Variants in PHLPP1 observed in about 807,000 individuals in gnomAD.
PHLPP1 encodes PH domain and leucine rich repeat protein phosphatase 1, also known as PH domain leucine-rich repeat-containing protein phosphatase 1.
A neutral mutation model predicts 117.2 loss-of-function variants in PHLPP1; 42 were observed. The ratio of observed to expected loss-of-function variants is 0.36; its 90% CI spans 0.28 to 0.46. The LOEUF is 0.46. Ranked by LOEUF, PHLPP1 falls within the 20% of genes least tolerant of loss-of-function variation. The probability of loss-of-function intolerance (pLI) is 1.00; values close to 1 mark genes in which losing one functional copy is unlikely to be tolerated. For missense variants in PHLPP1, 2,084 were observed against 2,241.9 expected, an observed-to-expected ratio of 0.93 and a Z score of 1.42; for synonymous variants, 1,042 against 970.7, an observed-to-expected ratio of 1.07 and a Z score of -1.37.
rs377326345 is a variant in PHLPP1 at position 62,958,598 on chromosome 18, T to C, written c.3325-31T>C. The C allele has an allele frequency of 2.4e-5, 39 of 1,612,798 alleles. No individual in the cohort carries two copies. In the African/African-American group the frequency reaches 4.5e-4, roughly 19 times the overall value. On this transcript the variant is annotated intron_variant, in intron 12 of 16. Transcript: ENST00000262719. ...CCCTGAAGAGCTTCTCTAGACCATC[T>C]CTTTCTTGTTTGCACTTGTTCTTTT...
intron 1 of PHLPP1, among the ~76,000 whole-genome samples, chr18:62,724,635 T>G (rs1911015075): frequency 6.6e-6 from 1 of 152,210 alleles, no homozygotes; most frequent in African/African-American, 2.4e-5. Context: ...ACTTACTGTC[T>G]TTGGTGGTTC....
intron 1 of PHLPP1, among the ~76,000 whole-genome samples, chr18:62,801,514 G>A (rs986941407): frequency 6.6e-6 from 1 of 151,860 alleles, no homozygotes; most frequent in Non-Finnish European, 1.5e-5. Flanking sequence ...GTGCAATGGC[G>A]TGATCTTGGC....
intron 10 of PHLPP1, among the ~76,000 whole-genome samples, chr18:62,932,121 A>G (rs1395678412): frequency 6.6e-6 from 1 of 152,176 alleles, no homozygotes; most frequent in African/African-American, 2.4e-5. Context: ...AATTGAGTCA[A>G]TAATAAAAAT....
At chr18:62,972,783 C>G in intron 15 of PHLPP1, 75 bp downstream of exon 15, 3 of 1,154,050 alleles carry the variant, frequency 2.6e-6, no homozygotes, top group Non-Finnish European at 3.7e-6. Flanking sequence ...TTTAGAAAAG[C>G]AGGTGCCCAA....
At chr18:62,814,600 G>GT (rs1914211624) in intron 1 of PHLPP1, among the ~76,000 whole-genome samples, 1 of 152,198 alleles carries the variant, frequency 6.6e-6, no homozygotes, top group South Asian at 2.1e-4. Flanking sequence ...TGAGAGTTGA[G>GT]TGTTTTCACT....
intron 9 of PHLPP1, among the ~76,000 whole-genome samples, chr18:62,916,885 C>A (rs1909298472): frequency 6.7e-6 from 1 of 150,212 alleles, no homozygotes. Flanking sequence ...TCCCGAGTAG[C>A]TGGGACTACA....
chr18:62,856,971 TATA>T (rs1422674710), intron 3 of PHLPP1, among the ~76,000 whole-genome samples: 1 of 152,124 alleles, frequency 6.6e-6, no homozygotes, highest in Admixed American at 6.6e-5. Context: ...TTTTTTAACA[TATA>T]ATTTATTTAT....
intron 1 of PHLPP1, among the ~76,000 whole-genome samples, chr18:62,796,805 A>G (rs963074334): frequency 3.3e-5 from 5 of 151,790 alleles, no homozygotes; most frequent in African/African-American, 1.2e-4. Flanking sequence ...TGTTTTGGTC[A>G]GCCATCTGCT....
intron 1 of PHLPP1, among the ~76,000 whole-genome samples, chr18:62,821,635 T>G (rs1251412399): frequency 6.6e-6 from 1 of 151,034 alleles, no homozygotes; most frequent in Non-Finnish European, 1.5e-5. Flanking sequence ...ATAAAATTGG[T>G]AGTTCTCTAA....
At chr18:62,779,792 C>T (rs769163324) in intron 1 of PHLPP1, among the ~76,000 whole-genome samples, 23 of 152,114 alleles carry the variant, frequency 1.5e-4, no homozygotes, top group African/African-American at 2.2e-4. Context: ...TTTTAAGTTT[C>T]GATTAATTCC....
At chr18:62,803,406 C>T (rs758140738) in intron 1 of PHLPP1, among the ~76,000 whole-genome samples, 4 of 152,108 alleles carry the variant, frequency 2.6e-5, no homozygotes, top group Non-Finnish European at 4.4e-5. Flanking sequence ...TAACTGCTGT[C>T]CTAATTTCTA....
At chr18:62,828,941 C>A (rs1439681788) in intron 1 of PHLPP1, among the ~76,000 whole-genome samples, 1 of 152,100 alleles carries the variant, frequency 6.6e-6, no homozygotes, top group Non-Finnish European at 1.5e-5. Context: ...TGGGGAAATA[C>A]TTTTCTGGTT....
chr18:62,874,122 T>C (rs1384469890), intron 4 of PHLPP1, among the ~76,000 whole-genome samples: 1 of 150,226 alleles, frequency 6.7e-6, no homozygotes, highest in East Asian at 2.0e-4. Flanking sequence ...AGGTGGAGTT[T>C]GTGGTGAGCC....
At chr18:62,784,104 CTGAT>C (rs1386223883) in intron 1 of PHLPP1, among the ~76,000 whole-genome samples, 1 of 152,186 alleles carries the variant, frequency 6.6e-6, no homozygotes, top group Non-Finnish European at 1.5e-5. Flanking sequence ...TTCTCATTCT[CTGAT>C]TGTACTTTCC....
At chr18:62,817,331 A>G (rs1307066110) in intron 1 of PHLPP1, among the ~76,000 whole-genome samples, 1 of 152,236 alleles carries the variant, frequency 6.6e-6, no homozygotes, top group Non-Finnish European at 1.5e-5. Flanking sequence ...TATGTTCCAT[A>G]TATTCATGAA....
intron 3 of PHLPP1, among the ~76,000 whole-genome samples, chr18:62,849,649 CA>C (rs34653454): frequency 0.46 from 37,738 of 82,644 alleles, 6,341 homozygotes; most frequent in Middle Eastern, 0.56. Flanking sequence ...GATTCTGTCT[CA>C]AAAAAAAAAA....
chr18:62,734,288 T>A (rs1911307214), intron 1 of PHLPP1, among the ~76,000 whole-genome samples: 1 of 152,184 alleles, frequency 6.6e-6, no homozygotes, highest in South Asian at 2.1e-4. Flanking sequence ...CTGGGGTCAT[T>A]TTTTAAAAAC....
At chr18:62,846,209 C>CA (rs34577472) in intron 3 of PHLPP1, among the ~76,000 whole-genome samples, 3,553 of 78,450 alleles carry the variant, frequency 0.045, 97 homozygotes, top group Non-Finnish European at 0.059. Context: ...AACTCCATCT[C>CA]AAAAAAAAAA....
At chr18:62,915,192 A>G (rs1909231304) in intron 9 of PHLPP1, among the ~76,000 whole-genome samples, 184 bp downstream of exon 9, 1 of 152,226 alleles carries the variant, frequency 6.6e-6, no homozygotes, top group Non-Finnish European at 1.5e-5. Context: ...AGTGAGGAGT[A>G]GAGTGAGGCT....
Sources: allele counts gnomAD v4.1 joint callset (sites outside exome capture counted in the v4.1 genomes callset), GRCh38; gene constraint gnomAD v4.1.1; transcripts MANE v1.5; gene names NCBI Gene and HGNC (gene_info 2026-07-23, HGNC 2026-07-21).